Variants in RAC2 observed in about 807,000 individuals in gnomAD.
RAC2 encodes Rac family small GTPase 2, also known as ras-related C3 botulinum toxin substrate 2.
RAC2 carries 1 observed loss-of-function variant against 24.0 expected under a neutral mutation model. That is an observed-to-expected ratio of 0.04 (90% CI 0.01 to 0.20). The LOEUF is 0.20. Among genes scored for constraint, RAC2 ranks in the 10% least tolerant of loss-of-function variants. The pLI, the probability that RAC2 is intolerant of heterozygous loss-of-function variation, is 1.00. For missense variants in RAC2, 130 were observed against 259.1 expected, an observed-to-expected ratio of 0.50 and a Z score of 3.42; for synonymous variants, 114 against 106.8, an observed-to-expected ratio of 1.07 and a Z score of -0.41.
Position 37,241,665 on chromosome 22 carries a change from G to A in RAC2, c.36-7C>T, listed in dbSNP as rs1927396868. 6 of 1,613,472 alleles carry A rather than the reference G, an allele frequency of 3.7e-6. No individual in the cohort carries two copies. In the East Asian group the frequency reaches 1.3e-4, roughly 36 times the overall value. ...GCAGGTCTTGCCCACGGCCCTGAAA[G>A]ACAGGAAGTGCAAGAGGGCGGCGGT... On this transcript the variant is annotated splice_polypyrimidine_tract_variant and splice_region_variant and intron_variant, in intron 1 of 6. Transcript: ENST00000249071.
At position 37,244,199 on chromosome 22, in the gene RAC2, G is replaced by A; in HGVS notation, c.-51C>T. 2 of 1,606,710 alleles carry A rather than the reference G, an allele frequency of 1.2e-6. No individual in the cohort carries two copies. The highest frequency in any genetic ancestry group is 1.3e-5 in the African/African-American group (1 of 74,820). On this transcript the variant is annotated 5_prime_UTR_variant, in exon 1 of 7. The change creates a new upstream start codon in the 5' untranslated region. Transcript: ENST00000249071. The stretch of plus-strand genomic sequence containing the variant: ...GTGGTGACAGCTCAGGGCCAGGCGC[G>A]TTTCTGCGGGCGCAAGGGGTGTGGA...
intron 6 of RAC2, 148 bp downstream of exon 6, chr22:37,226,523 T>C (rs1187577058): frequency 2.8e-6 from 3 of 1,056,126 alleles, no homozygotes; most frequent in East Asian, 5.3e-5. Context: ...CCCAGGCAGA[T>C]GACAAGTAGG....
intron 2 of RAC2, among the ~76,000 whole-genome samples, chr22:37,238,352 T>G (rs1241467407): frequency 6.6e-6 from 1 of 152,056 alleles, no homozygotes; most frequent in Non-Finnish European, 1.5e-5. Flanking sequence ...TCCTCCCACC[T>G]CAGTCTCCCG....
Position 37,231,998 on chromosome 22 carries a change from G to A in RAC2, c.226-4C>T. 1 of 1,534,438 alleles carries A rather than the reference G, an allele frequency of 6.5e-7. No homozygotes were observed. Among genetic ancestry groups the A allele is most frequent in the Non-Finnish European group, 8.8e-7 (1 of 1,142,072 alleles). On this transcript the variant is annotated splice_region_variant and splice_polypyrimidine_tract_variant and intron_variant, in intron 3 of 6. Transcript: ENST00000249071. The surrounding 1 kb of genome is among the most constrained non-coding windows in gnomAD (Gnocchi z 5.5). ...AGAAGCAGATGAGGAAGACGTCCTG[G>A]GGACAGAGCAAGCGAGGTTGCTAGT...
At chr22:37,242,673 G>T (rs1019658357) in intron 1 of RAC2, among the ~76,000 whole-genome samples, 6 of 152,214 alleles carry the variant, frequency 3.9e-5, no homozygotes, top group Non-Finnish European at 8.8e-5. Context: ...ACTTCCGCCC[G>T]CCCCTCCTCC....
rs992608594 is a variant in RAC2 at position 37,241,255 on chromosome 22, A to G, written c.107+332T>C. 4.2e-6 allele frequency: 3 copies of G among 722,076 alleles called. No homozygotes were observed. The Admixed American group carries it at 5.6e-5, about 14-fold the overall frequency. 44.7% of individuals were successfully genotyped at this position (722,076 alleles called of 1,614,324 possible). ...TCAGGCTCTCTGGATCACCTCCTCC[A>G]GCAGCCTGCTTCCGCAGAAGCTCCT... On this transcript the variant is annotated intron_variant, in intron 2 of 6. Transcript: ENST00000249071.
rs2145823940 is a variant in RAC2 at position 37,231,752 on chromosome 22, A to C, written c.288+180T>G. On this transcript the variant is annotated intron_variant, in intron 4 of 6. Coordinates refer to ENST00000249071, the MANE Select transcript of RAC2 (RefSeq NM_002872.5). This position sits in a 1 kb window ranked among gnomAD's most constrained non-coding sequence, Gnocchi z 5.5. ...ATAGCTAACTATCGCAGCACCCCCCACCCCAGGTCCTCTGAATCTTACCCC... is the reference window on the plus strand; with the variant it reads ...ATAGCTAACTATCGCAGCACCCCCCCCCCCAGGTCCTCTGAATCTTACCCC... Among the ~76,000 whole-genome samples, 1 of 151,720 alleles carries C rather than the reference A, an allele frequency of 6.6e-6. No individual in the cohort carries two copies. Among genetic ancestry groups the C allele is most frequent in the East Asian group, 1.9e-4 (1 of 5,150 alleles).
chr22:37,234,465 C>T (rs981783090), intron 2 of RAC2, among the ~76,000 whole-genome samples: 2 of 152,190 alleles, frequency 1.3e-5, no homozygotes, highest in African/African-American at 4.8e-5. Context: ...GTGCTCACTG[C>T]CCCAGGCCAC....
chr22:37,226,545 G>T, intron 6 of RAC2, 126 bp downstream of exon 6: 1 of 1,296,832 alleles, frequency 7.7e-7, no homozygotes. Flanking sequence ...TGCGGAAACT[G>T]AGGCAACCTC....
At chr22:37,226,616 C>A in intron 6 of RAC2, 55 bp downstream of exon 6, 1 of 1,598,446 alleles carries the variant, frequency 6.3e-7, no homozygotes, top group Non-Finnish European at 8.5e-7. Context: ...AAGGCCACTG[C>A]TCAGCCAGGG....
chr22:37,233,035 G>T (rs2145825107), intron 2 of RAC2, 117 bp from the exon 3 acceptor site: 1 of 767,466 alleles, frequency 1.3e-6, no homozygotes, highest in Non-Finnish European at 2.3e-6. Context: ...TCTGCGACTG[G>T]CCCAAAGTCA....
At position 37,231,802 on chromosome 22, in the gene RAC2, T is replaced by C. The variant is rs993450111; in HGVS notation, c.288+130A>G. 24 of 1,081,214 alleles carry C rather than the reference T, an allele frequency of 2.2e-5. No individual in the cohort carries two copies. The East Asian group carries it at 4.4e-4, about 20-fold the overall frequency. The allele number at this position is 1,081,214 out of a possible 1,614,324, so 67.0% of individuals were successfully genotyped here. ...CCTCAAGTCCCTCTGCCAGCCCTGG[T>C]TGGCACTGGGGACCCTCTCTGTATG... On this transcript the variant is annotated intron_variant, in intron 4 of 6. Transcript: ENST00000249071. This position sits in a 1 kb window ranked among gnomAD's most constrained non-coding sequence, Gnocchi z 5.5.
At chr22:37,234,321 C>T (rs1927160986) in intron 2 of RAC2, among the ~76,000 whole-genome samples, 1 of 152,186 alleles carries the variant, frequency 6.6e-6, no homozygotes. Context: ...CACACATCCC[C>T]GCGAGGAAGG....
At chr22:37,234,488 G>T (rs547786394) in intron 2 of RAC2, among the ~76,000 whole-genome samples, 1 of 152,078 alleles carries the variant, frequency 6.6e-6, no homozygotes, top group African/African-American at 2.4e-5. Context: ...CTGTGCCTCC[G>T]GGAATGCCCT....
intron 5 of RAC2, among the ~76,000 whole-genome samples, chr22:37,227,400 G>GCCATACACCCCTCCCACA (rs1569087927): frequency 2.8e-4 from 4 of 14,514 alleles, no homozygotes; most frequent in Non-Finnish European, 3.7e-4. Context: ...CCCCTCCCAC[G>GCCATACACCCCTCCCACA]CCATACACCC....
Position 37,226,714 on chromosome 22 carries a change from G to T in RAC2, c.538C>A (p.Gln180Lys). The T allele has an allele frequency of 6.2e-7, 1 of 1,613,174 alleles. No individual in the cohort carries two copies. The highest frequency in any genetic ancestry group is 8.5e-7 in the Non-Finnish European group (1 of 1,179,588). Residue 180 changes from glutamine to lysine, a missense_variant, in exon 6 of 7, where the codon CAG becomes AAG. This residue lies in a region of RAC2 where 119 missense variants were observed against 192.1 expected (regional missense o/e 0.62). Coordinates refer to ENST00000249071, the MANE Select transcript of RAC2 (RefSeq NM_002872.5). ...GCGCGCTTCTGCTGCCGCGTGGGCTGAGGGCACAGCACGGCCCGGATGGCC... is the reference window on the plus strand; with the variant it reads ...GCGCGCTTCTGCTGCCGCGTGGGCTTAGGGCACAGCACGGCCCGGATGGCC... ...DEAIRAVLCP[Q>K]PTRQQKRACS...
chr22:37,238,347 C>T (rs1927297029), intron 2 of RAC2, among the ~76,000 whole-genome samples: 1 of 152,070 alleles, frequency 6.6e-6, no homozygotes, highest in African/African-American at 2.4e-5. Context: ...AGCGATCCTC[C>T]CACCTCAGTC....
chr22:37,238,045 C>T (rs545205813), intron 2 of RAC2, among the ~76,000 whole-genome samples: 4 of 150,996 alleles, frequency 2.6e-5, no homozygotes, highest in East Asian at 1.9e-4. Flanking sequence ...TGAAGAGGTT[C>T]GGGGGAGGCA....
rs1468235881 is a variant in RAC2 at position 37,231,467 on chromosome 22, T to C, written c.289-77A>G. 9 of 1,419,370 alleles carry C rather than the reference T, an allele frequency of 6.3e-6. No homozygotes were observed. Among genetic ancestry groups the C allele is most frequent in the African/African-American group, 1.4e-5 (1 of 69,912 alleles). 87.9% of individuals were successfully genotyped at this position (1,419,370 alleles called of 1,614,324 possible). A position where few individuals can be genotyped will look rare whatever the true frequency, so the allele number is the denominator to read the frequency against. ...GAGGCTGTGCGGGGATCAGAGGGAG[T>C]GTGAGGGTGTAGGGAGAGGAGAGGC... On this transcript the variant is annotated intron_variant, in intron 4 of 6. Coordinates refer to ENST00000249071, the MANE Select transcript of RAC2 (RefSeq NM_002872.5). This position sits in a 1 kb window ranked among gnomAD's most constrained non-coding sequence, Gnocchi z 5.5.
Sources: gnomAD v4.1 joint callset for allele counts (sites outside exome capture counted in the v4.1 genomes callset) on GRCh38, gnomAD v4.1.1 for gene constraint, gnomAD v4.1.1 regional missense constraint, Gnocchi (gnomAD v3.1) non-coding constraint, MANE v1.5 for transcripts, NCBI Gene and HGNC (gene_info 2026-07-23, HGNC 2026-07-21) for gene names.